The following DMD variants were observed in gnomAD, a reference collection of about 807,000 sequenced individuals.
DMD encodes the protein mutant dystrophin.
Under a neutral mutation model 330.1 loss-of-function variants are expected in DMD, and 63 were observed. The ratio of observed to expected loss-of-function variants is 0.19; its 90% confidence interval spans 0.16 to 0.24. The LOEUF is 0.24. Among genes scored for constraint, DMD ranks in the 10% least tolerant of loss-of-function variants. The pLI is 1.00. For missense variants in DMD, 3,344 were observed against 2,684.1 expected (o/e 1.25, Z -5.43); for synonymous variants, 1,223 against 959.8 (o/e 1.27, Z -5.07).
chrX:32,333,029 A>G (rs1311037157), intron 41 of DMD, among the ~76,000 whole-genome samples: 2 of 111,836 alleles, frequency 1.8e-5, no homozygotes, highest in African/African-American at 6.5e-5. Context: ...GGTACTACCT[A>G]TGGAAACTGA....
chrX:32,402,981 G>C (rs963463959), intron 30 of DMD, among the ~76,000 whole-genome samples: 2 of 111,563 alleles, frequency 1.8e-5, no homozygotes, highest in Non-Finnish European at 3.8e-5. Context: ...CACATACTTA[G>C]TGACTAAACC....
intron 55 of DMD, among the ~76,000 whole-genome samples, chrX:31,515,954 A>G (rs2072148530): frequency 8.9e-6 from 1 of 112,022 alleles, no homozygotes; most frequent in African/African-American, 3.2e-5. Context: ...AAATAAAAAT[A>G]AAACAAAAAC....
chrX:32,028,884 A>C (rs757146599), intron 44 of DMD, among the ~76,000 whole-genome samples: 70 of 111,516 alleles, frequency 6.3e-4, no homozygotes, highest in Non-Finnish European at 1.2e-3. Flanking sequence ...TCATCCTCAC[A>C]TACACATTTT....
intron 1 of DMD, among the ~76,000 whole-genome samples, chrX:33,151,927 A>G (rs1412513536): frequency 8.9e-6 from 1 of 111,997 alleles, no homozygotes; most frequent in Non-Finnish European, 1.9e-5. Flanking sequence ...TATTTCTAGA[A>G]GATACAATGA....
intron 9 of DMD, among the ~76,000 whole-genome samples, chrX:32,649,265 G>A (rs1425913395): frequency 1.8e-5 from 2 of 110,321 alleles, no homozygotes; most frequent in Non-Finnish European, 3.8e-5. Context: ...ATTAAAAAAG[G>A]TGGAAGAGGC....
intron 1 of DMD, among the ~76,000 whole-genome samples, chrX:33,326,542 G>C (rs188434110): frequency 8.9e-6 from 1 of 112,197 alleles, no homozygotes; most frequent in East Asian, 2.8e-4. Context: ...GTGTGTTACA[G>C]TCAGAGAACT....
At chrX:32,668,800 C>A (rs776139066) in intron 9 of DMD, among the ~76,000 whole-genome samples, 14 of 109,682 alleles carry the variant, frequency 1.3e-4, no homozygotes, top group South Asian at 4.0e-4. Flanking sequence ...GAGACTACGG[C>A]ATTGAAGAGA....
intron 41 of DMD, among the ~76,000 whole-genome samples, chrX:32,335,489 A>G (rs1363197540): frequency 1.1e-5 from 1 of 87,876 alleles, no homozygotes; most frequent in Non-Finnish European, 2.3e-5. Context: ...TATAACATTT[A>G]TATATACATG....
At chrX:31,517,543 G>C (rs980860190) in intron 55 of DMD, among the ~76,000 whole-genome samples, 5 of 111,286 alleles carry the variant, frequency 4.5e-5, no homozygotes, top group African/African-American at 1.6e-4. Context: ...GTAGCTTCTT[G>C]TGTAAAGGTG....
intron 1 of DMD, among the ~76,000 whole-genome samples, chrX:33,106,944 T>C (rs1025847117): frequency 2.7e-5 from 3 of 111,941 alleles, no homozygotes; most frequent in Non-Finnish European, 5.6e-5. Context: ...GCTGTAAGGT[T>C]TTGTGGTAGT....
chrX:32,582,559 A>G (rs1010933632), intron 13 of DMD, among the ~76,000 whole-genome samples: 7 of 112,091 alleles, frequency 6.2e-5, no homozygotes, highest in Non-Finnish European at 1.3e-4. Flanking sequence ...GTTGATCCAG[A>G]GAATAGATGA....
chrX:31,282,212 A>T (rs977417132), intron 62 of DMD, among the ~76,000 whole-genome samples: 1 of 112,246 alleles, frequency 8.9e-6, no homozygotes, highest in Admixed American at 9.4e-5. Context: ...ATTTTTGCAG[A>T]TTTTAACTAG....
At chrX:32,804,501 C>T (rs1344947620) in intron 7 of DMD, among the ~76,000 whole-genome samples, 1 of 112,488 alleles carries the variant, frequency 8.9e-6, no homozygotes, top group Admixed American at 9.4e-5. Flanking sequence ...AAACTCCCAT[C>T]TCCCTGAGAC....
intron 1 of DMD, among the ~76,000 whole-genome samples, chrX:33,280,028 T>C (rs1177960452): frequency 1.5e-5 from 1 of 68,923 alleles, no homozygotes; most frequent in South Asian, 8.1e-4. Context: ...TTTTCTTTTT[T>C]TGAGAGTGCA....
At chrX:33,304,637 A>G (rs1281145385) in intron 1 of DMD, among the ~76,000 whole-genome samples, 6 of 106,104 alleles carry the variant, frequency 5.7e-5, no homozygotes, top group East Asian at 3.0e-4. Flanking sequence ...GCAACCTACA[A>G]AATGGGAGAA....
chrX:31,279,755 C>G (rs981779121), intron 62 of DMD, among the ~76,000 whole-genome samples: 1 of 112,280 alleles, frequency 8.9e-6, no homozygotes, highest in Non-Finnish European at 1.9e-5. Flanking sequence ...CATAAATGGC[C>G]CAATCCACCC....
chrX:32,844,534 A>T (rs943523854), intron 4 of DMD, among the ~76,000 whole-genome samples: 1 of 112,113 alleles, frequency 8.9e-6, no homozygotes, highest in African/African-American at 3.2e-5. Flanking sequence ...TAAAATCTGA[A>T]AACAGGGAGC....
chrX:31,183,804 A>G (rs1346063852), intron 67 of DMD, among the ~76,000 whole-genome samples: 2 of 109,820 alleles, frequency 1.8e-5, no homozygotes, highest in Non-Finnish European at 3.8e-5. Context: ...GTCCCTTAGA[A>G]TTTCCTTTAG....
intron 11 of DMD, among the ~76,000 whole-genome samples, chrX:32,617,470 C>A (rs1455274766): frequency 9.0e-6 from 1 of 111,279 alleles, no homozygotes; most frequent in Non-Finnish European, 1.9e-5. Context: ...GGACAGGACA[C>A]CCTCTTCAGC....
Sources: gnomAD v4.1 joint callset for allele counts (sites outside exome capture counted in the v4.1 genomes callset) on GRCh38, gnomAD v4.1.1 for gene constraint, MANE v1.5 for transcripts, NCBI Gene and HGNC (gene_info 2026-07-23, HGNC 2026-07-21) for gene names.